RALGPS1: variants seen among roughly 807,000 people sequenced by gnomAD.
RALGPS1 encodes the protein ras-specific guanine nucleotide-releasing factor RalGPS1.
RALGPS1 carries 19 observed loss-of-function variants against 78.8 expected under a neutral mutation model. That is an observed-to-expected ratio of 0.24 (90% confidence interval 0.17 to 0.35). The LOEUF is 0.35. RALGPS1 is among the 10% of genes least tolerant of loss of function. The pLI, the probability that RALGPS1 is intolerant of heterozygous loss-of-function variation, is 1.00. For synonymous variants in RALGPS1, 228 were observed against 256.3 expected (o/e 0.89, Z 1.06); for missense variants, 454 against 688.3 (o/e 0.66, Z 3.81).
chr9:127,176,294 A>G (rs2059869365), intron 11 of RALGPS1, among the ~76,000 whole-genome samples: 1 of 152,112 alleles, frequency 6.6e-6, no homozygotes, highest in South Asian at 2.1e-4. Flanking sequence ...GCCAGAAGGA[A>G]AGCTCCTAGT....
chr9:127,197,416 A>G (rs1486459974), intron 13 of RALGPS1, among the ~76,000 whole-genome samples: 1 of 147,442 alleles, frequency 6.8e-6, no homozygotes, highest in Admixed American at 7.0e-5. Flanking sequence ...CTTAGCAGGG[A>G]GTCCTCCCAT....
In RALGPS1 at chr9:127,026,161, C is replaced by T. The variant is rs1374564397; in HGVS notation, c.217-8270C>T. On this transcript the variant is annotated intron_variant, in intron 4 of 18. Transcript: ENST00000259351. ...AGGAGCAAGGAGACCCAGCCTGAGT[C>T]CCAAAACTGAAGAACTTGGAGTTCG... Among the ~76,000 whole-genome samples the T allele has an allele frequency of 5.3e-5, 8 of 152,134 alleles. No individual in the cohort carries two copies. The East Asian group carries it at 1.5e-3, about 29-fold the overall frequency.
chr9:127,139,924 C>G (rs2057653008), intron 8 of RALGPS1, among the ~76,000 whole-genome samples: 5 of 152,210 alleles, frequency 3.3e-5, no homozygotes, highest in Admixed American at 3.3e-4. Context: ...AGATACAAAT[C>G]CCTATTCCCG....
chr9:127,126,154 C>T (rs1309980471), intron 8 of RALGPS1, among the ~76,000 whole-genome samples: 2 of 152,150 alleles, frequency 1.3e-5, no homozygotes, highest in Non-Finnish European at 2.9e-5. Flanking sequence ...CACCCCTACC[C>T]CCAACTCCCT....
intron 12 of RALGPS1, among the ~76,000 whole-genome samples, chr9:127,195,686 G>A (rs879341128): frequency 8.5e-5 from 13 of 152,188 alleles, no homozygotes; most frequent in South Asian, 2.1e-4. Context: ...GTGAGCCCTC[G>A]GCATGGCTAG....
chr9:126,917,134 TG>T (rs1487934927), intron 1 of RALGPS1, among the ~76,000 whole-genome samples: 1 of 151,876 alleles, frequency 6.6e-6, no homozygotes, highest in Non-Finnish European at 1.5e-5. Context: ...GTTGGTGCAG[TG>T]GTGACCCAGT....
chr9:126,931,486 A>G (rs1391436513), intron 1 of RALGPS1, among the ~76,000 whole-genome samples: 10 of 152,240 alleles, frequency 6.6e-5, no homozygotes, highest in Non-Finnish European at 1.5e-4. Flanking sequence ...ATAAACCTTG[A>G]AAACATTCTG....
At position 126,962,294 on chromosome 9, in the gene RALGPS1, A is replaced by G. The variant is rs1304128635; in HGVS notation, c.5A>G (p.Tyr2Cys). The change falls in exon 2 of 19, where the codon TAC becomes TGC. Residue 2 changes from tyrosine (Y) to cysteine (C), a missense_variant. Tyr to Cys is a radical substitution (Grantham distance 194). Coordinates refer to ENST00000259351, the MANE Select transcript of RALGPS1 (RefSeq NM_014636.3). ...GCTCCCTGTGGCCTGGAGACTATGTACAAGAGGAATGGTCTGATGGCTAGC... is the reference window on the plus strand; with the variant it reads ...GCTCCCTGTGGCCTGGAGACTATGTGCAAGAGGAATGGTCTGATGGCTAGC... M[Y>C]KRNGLMASVL... is the part of the protein sequence containing the mutation. 1.9e-6 allele frequency: 3 copies of G among 1,614,062 alleles called. No individual in the cohort carries two copies. Among genetic ancestry groups the G allele is most frequent in the Non-Finnish European group, 2.5e-6 (3 of 1,180,018 alleles).
chr9:127,137,645 AC>A (rs1421467562), intron 8 of RALGPS1, among the ~76,000 whole-genome samples: 3 of 152,246 alleles, frequency 2.0e-5, no homozygotes, highest in Admixed American at 2.0e-4. Context: ...ATCACTGGAA[AC>A]CAAAAGATTC....
At chr9:127,090,870 G>T (rs1020065953) in intron 8 of RALGPS1, among the ~76,000 whole-genome samples, 5 of 152,152 alleles carry the variant, frequency 3.3e-5, no homozygotes, top group African/African-American at 1.2e-4. Flanking sequence ...TAACTGTGTG[G>T]GAGGCTGATA....
At chr9:126,999,074 G>T (rs1022876235) in intron 4 of RALGPS1, among the ~76,000 whole-genome samples, 2 of 148,902 alleles carry the variant, frequency 1.3e-5, no homozygotes, top group Non-Finnish European at 3.0e-5. Flanking sequence ...GCTAAATGAC[G>T]AGTTAATGGG....
At chr9:127,161,569 GCTGACCAGA>G (rs1471724537) in intron 8 of RALGPS1, among the ~76,000 whole-genome samples, 1 of 152,192 alleles carries the variant, frequency 6.6e-6, no homozygotes, top group African/African-American at 2.4e-5. Flanking sequence ...GGGACCTGGG[GCTGACCAGA>G]CTGACCACAG....
At chr9:127,207,693 C>G (rs1201577773) in intron 14 of RALGPS1, among the ~76,000 whole-genome samples, 2 of 152,190 alleles carry the variant, frequency 1.3e-5, no homozygotes, top group Non-Finnish European at 2.9e-5. Context: ...GCTGGCCTGC[C>G]AGGCAGCCAG....
intron 3 of RALGPS1, among the ~76,000 whole-genome samples, chr9:126,970,393 C>A (rs1802489353): frequency 6.6e-6 from 1 of 152,140 alleles, no homozygotes; most frequent in African/African-American, 2.4e-5. Flanking sequence ...CTAGAAAGTT[C>A]AGTGGGTCAG....
chr9:126,929,148 G>A (rs1187561567), intron 1 of RALGPS1, among the ~76,000 whole-genome samples: 2 of 152,166 alleles, frequency 1.3e-5, no homozygotes, highest in Admixed American at 1.3e-4. Context: ...AAGCCTACCT[G>A]TATAATAAAT....
chr9:126,922,618 T>G (rs1214633582), intron 1 of RALGPS1, among the ~76,000 whole-genome samples: 1 of 152,210 alleles, frequency 6.6e-6, no homozygotes, highest in Non-Finnish European at 1.5e-5. Context: ...GCACCATATC[T>G]CTAACACTTT....
intron 4 of RALGPS1, among the ~76,000 whole-genome samples, chr9:126,996,909 T>C (rs1487818401): frequency 6.6e-6 from 1 of 152,202 alleles, no homozygotes; most frequent in Non-Finnish European, 1.5e-5. Context: ...ATCCAGCATA[T>C]AAACAGAACC....
chr9:127,044,071 A>T (rs1408583123), intron 5 of RALGPS1, among the ~76,000 whole-genome samples: 1 of 152,188 alleles, frequency 6.6e-6, no homozygotes, highest in Non-Finnish European at 1.5e-5. Context: ...ACACACAAAA[A>T]ACAGCACACA....
intron 8 of RALGPS1, among the ~76,000 whole-genome samples, chr9:127,147,143 G>C (rs1400768178): frequency 6.6e-6 from 1 of 152,172 alleles, no homozygotes; most frequent in African/African-American, 2.4e-5. Flanking sequence ...ATGCTGAGCA[G>C]CTTTTCATAT....
Sources: gnomAD v4.1 joint callset for allele counts (sites outside exome capture counted in the v4.1 genomes callset) on GRCh38, gnomAD v4.1.1 for gene constraint, MANE v1.5 for transcripts, NCBI Gene and HGNC (gene_info 2026-07-23, HGNC 2026-07-21) for gene names.